ATP10A: variants seen among roughly 807,000 people sequenced by gnomAD.
ATP10A encodes the protein phospholipid-transporting ATPase VA.
Under a neutral mutation model 147.8 loss-of-function variants are expected in ATP10A, and 111 were observed. That is an observed-to-expected ratio of 0.75 (90% confidence interval 0.64 to 0.88). The LOEUF (loss-of-function observed/expected upper bound fraction) is 0.88. Among genes scored for constraint, ATP10A ranks in the 40% least tolerant of loss-of-function variants. The pLI, the probability that ATP10A is intolerant of heterozygous loss-of-function variation, is 0.00. For synonymous variants in ATP10A, 875 were observed against 841.6 expected, an observed-to-expected ratio of 1.04 and a Z score of -0.69; for missense variants, 1,927 against 1,959.0, an observed-to-expected ratio of 0.98 and a Z score of 0.31.
intron 2 of ATP10A, among the ~76,000 whole-genome samples, chr15:25,761,003 T>C (rs1888729018): frequency 6.6e-6 from 1 of 152,144 alleles, no homozygotes; most frequent in Non-Finnish European, 1.5e-5. Context: ...CAACCAAAAA[T>C]TGTAAACAAC....
intron 1 of ATP10A, among the ~76,000 whole-genome samples, chr15:25,833,016 T>C (rs1303195965): frequency 6.9e-6 from 1 of 144,002 alleles, no homozygotes; most frequent in Non-Finnish European, 1.5e-5. Context: ...AGAGTCTCAC[T>C]CTGTTGCCCA....
chr15:25,778,702 TG>T (rs1889746598), intron 2 of ATP10A, among the ~76,000 whole-genome samples: 1 of 152,170 alleles, frequency 6.6e-6, no homozygotes, highest in Non-Finnish European at 1.5e-5. Context: ...GTAGATGTGT[TG>T]GTCTGCAGCC....
Position 25,714,084 on chromosome 15 carries a change from G to C in ATP10A, c.1934C>G (p.Pro645Arg), listed in dbSNP as rs755990319. Reference protein sequence around the residue: ...HKLGSSFPSTPSSDGMLLRLE... With the variant: ...HKLGSSFPSTRSSDGMLLRLE... ...CCTGAGAAGCATGCCGTCGCTGGACGGGGTGGACGGGAAGCTGGAGCCCAA... is the reference window on the plus strand; with the variant it reads ...CCTGAGAAGCATGCCGTCGCTGGACCGGGTGGACGGGAAGCTGGAGCCCAA... The change falls in exon 10 of 21, where the codon CCG becomes CGG. Residue 645 changes from proline to arginine, a missense_variant. Coordinates refer to ENST00000555815, the MANE Select transcript of ATP10A (RefSeq NM_024490.4). The C allele has an allele frequency of 1.3e-5, 21 of 1,613,294 alleles. No homozygotes were observed. Among genetic ancestry groups the C allele is most frequent in the Middle Eastern group, 1.6e-4 (1 of 6,062 alleles).
At chr15:25,701,449 T>C (rs926715073) in intron 13 of ATP10A, among the ~76,000 whole-genome samples, 2 of 152,196 alleles carry the variant, frequency 1.3e-5, no homozygotes, top group African/African-American at 4.8e-5. Flanking sequence ...CAAGAAGTTT[T>C]GAGTGGGAAC....
intron 7 of ATP10A, among the ~76,000 whole-genome samples, chr15:25,718,911 A>G (rs531002347): frequency 2.6e-5 from 4 of 152,126 alleles, no homozygotes; most frequent in Admixed American, 6.5e-5. Flanking sequence ...CACAGCTTGG[A>G]CCCCTACAGC....
intron 2 of ATP10A, among the ~76,000 whole-genome samples, chr15:25,769,222 T>A (rs1889201286): frequency 6.6e-6 from 1 of 152,056 alleles, no homozygotes; most frequent in African/African-American, 2.4e-5. Flanking sequence ...CATGGTGGCT[T>A]ACACCTGTAA....
intron 1 of ATP10A, among the ~76,000 whole-genome samples, chr15:25,842,234 T>C (rs767194813): frequency 1.3e-5 from 2 of 152,076 alleles, no homozygotes; most frequent in Non-Finnish European, 2.9e-5. Context: ...GACAGAGCCT[T>C]TTGGTTTTGC....
intron 15 of ATP10A, chr15:25,688,043 A>T (rs1596684856): frequency 3.3e-6 from 2 of 600,694 alleles, no homozygotes; most frequent in East Asian, 5.8e-5. Flanking sequence ...TAGTTCAGGG[A>T]TGTCACCTTA....
chr15:25,713,236 G>C (rs1232788172), intron 10 of ATP10A, among the ~76,000 whole-genome samples: 4 of 152,182 alleles, frequency 2.6e-5, no homozygotes, highest in Admixed American at 2.6e-4. Flanking sequence ...CCAAGTGCCA[G>C]AACAGAGGGC....
At chr15:25,674,901 C>T (rs1899107056), downstream of ATP10A, among the ~76,000 whole-genome samples, 1 of 152,210 alleles carries the variant, frequency 6.6e-6, no homozygotes, top group Non-Finnish European at 1.5e-5. Context: ...CTGTCGCCCT[C>T]CAGCCAGAGA....
intron 1 of ATP10A, among the ~76,000 whole-genome samples, chr15:25,846,670 C>T (rs1893037499): frequency 6.6e-6 from 1 of 152,178 alleles, no homozygotes; most frequent in Non-Finnish European, 1.5e-5. Context: ...GGACACGTGC[C>T]TGACACGTGC....
At chr15:25,831,141 C>T (rs933836122) in intron 1 of ATP10A, among the ~76,000 whole-genome samples, 2 of 152,250 alleles carry the variant, frequency 1.3e-5, no homozygotes, top group African/African-American at 4.8e-5. Flanking sequence ...CGTGCATACC[C>T]AGCACCCTCC....
chr15:25,792,273 C>A (rs61991476), intron 1 of ATP10A, among the ~76,000 whole-genome samples: 1 of 152,126 alleles, frequency 6.6e-6, no homozygotes, highest in Non-Finnish European at 1.5e-5. Context: ...TTAGCTTCAG[C>A]GCTGAGAGGA....
chr15:25,726,464 T>G (rs1349809014), intron 4 of ATP10A, among the ~76,000 whole-genome samples: 1 of 150,382 alleles, frequency 6.6e-6, no homozygotes, highest in East Asian at 2.0e-4. Flanking sequence ...TTTTTTGAGA[T>G]GGAGTCTTAC....
intron 6 of ATP10A, among the ~76,000 whole-genome samples, chr15:25,723,309 C>T (rs1158525271): frequency 2.0e-5 from 3 of 151,148 alleles, no homozygotes; most frequent in Non-Finnish European, 2.9e-5. Flanking sequence ...GATCGTGTCA[C>T]TGCACTCCAG....
Position 25,758,936 on chromosome 15 carries a change from T to C in ATP10A, c.654+22083A>G, listed in dbSNP as rs540970101. Among the ~76,000 whole-genome samples the C allele has an allele frequency of 2.0e-5, 3 of 152,290 alleles. No individual in the cohort carries two copies. In the South Asian group the frequency reaches 6.2e-4, roughly 32 times the overall value. ...ACCCTAACTCATTCTGATCACCTGC[T>C]ATCTGCTCTCCCCTGACTCCCGCCA... On this transcript the variant is annotated intron_variant, in intron 2 of 20. Coordinates refer to ENST00000555815, the MANE Select transcript of ATP10A (RefSeq NM_024490.4).
chr15:25,683,797 C>T (rs1171648705), intron 16 of ATP10A: 2 of 390,308 alleles, frequency 5.1e-6, no homozygotes, highest in East Asian at 5.3e-5. Context: ...TAACATAAAA[C>T]AAAATCAAGG....
chr15:25,773,314 A>G (rs1356434144), intron 2 of ATP10A, among the ~76,000 whole-genome samples: 1 of 152,186 alleles, frequency 6.6e-6, no homozygotes, highest in Non-Finnish European at 1.5e-5. Flanking sequence ...GCTCTTACCA[A>G]TTCACAAAAT....
intron 3 of ATP10A, among the ~76,000 whole-genome samples, chr15:25,735,011 G>GT (rs1887187027): frequency 2.8e-5 from 1 of 36,058 alleles, no homozygotes. Flanking sequence ...AGCGGGGGGG[G>GT]GGTGGGGGGG....
Sources: gnomAD v4.1 joint callset for allele counts (sites outside exome capture counted in the v4.1 genomes callset) on GRCh38, gnomAD v4.1.1 for gene constraint, MANE v1.5 for transcripts, NCBI Gene and HGNC (gene_info 2026-07-23, HGNC 2026-07-21) for gene names.